The following GAS7 variants were observed in gnomAD, a reference collection of about 807,000 sequenced individuals.
GAS7 encodes the protein growth arrest specific 7.
GAS7 carries 28 observed loss-of-function variants against 71.1 expected under a neutral mutation model. The observed-to-expected ratio is 0.39, with a 90% CI of 0.29 to 0.54. The LOEUF is 0.54. Among genes scored for constraint, GAS7 ranks in the 20% least tolerant of loss-of-function variants. The probability of loss-of-function intolerance (pLI) is 0.62; values close to 1 mark genes in which losing one functional copy is unlikely to be tolerated. For missense variants in GAS7, 436 were observed against 627.8 expected, an observed-to-expected ratio of 0.69 and a Z score of 3.27; for synonymous variants, 258 against 245.8, an observed-to-expected ratio of 1.05 and a Z score of -0.46.
At chr17:10,114,138 G>A (rs1189808775) in intron 1 of GAS7, among the ~76,000 whole-genome samples, 1 of 151,850 alleles carries the variant, frequency 6.6e-6, no homozygotes, top group Non-Finnish European at 1.5e-5. Context: ...ATGTTGCGCA[G>A]GCTGATCTCA....
intron 1 of GAS7, among the ~76,000 whole-genome samples, chr17:10,117,711 T>A (rs12945105): frequency 0.019 from 2,849 of 152,208 alleles, 30 homozygotes; most frequent in Middle Eastern, 0.037. Flanking sequence ...AGACCCTTCC[T>A]GTGAAAACAA....
At chr17:10,038,264 A>T (rs1473019498) in intron 1 of GAS7, among the ~76,000 whole-genome samples, 1 of 152,136 alleles carries the variant, frequency 6.6e-6, no homozygotes, top group African/African-American at 2.4e-5. Context: ...AGGCTGAGGC[A>T]GGAGAATCCA....
At chr17:10,124,710 G>A (rs2142079934) in intron 1 of GAS7, among the ~76,000 whole-genome samples, 1 of 152,258 alleles carries the variant, frequency 6.6e-6, no homozygotes, top group African/African-American at 2.4e-5. Context: ...CCTAAGGTCG[G>A]AGTTGGAGAC....
At chr17:10,031,605 G>A (rs752879018) in intron 1 of GAS7, among the ~76,000 whole-genome samples, 3 of 152,200 alleles carry the variant, frequency 2.0e-5, no homozygotes, top group Non-Finnish European at 4.4e-5. Flanking sequence ...CCCTATTCCT[G>A]CATGACCCTT....
intron 8 of GAS7, among the ~76,000 whole-genome samples, chr17:9,937,183 G>A (rs12449440): frequency 0.018 from 2,753 of 152,302 alleles, 112 homozygotes; most frequent in East Asian, 0.097. Flanking sequence ...GTACACCTAC[G>A]AGGCAGTGGC....
At position 9,942,191 on chromosome 17, in the gene GAS7, T is replaced by TTGC. The variant is rs200659719; in HGVS notation, c.731+927_731+929dup. Among the ~76,000 whole-genome samples the TTGC allele has an allele frequency of 7.8e-3, 1,180 of 151,872 alleles. 18 individuals are homozygous for TTGC. Among genetic ancestry groups the TTGC allele is most frequent in the African/African-American group, 0.027 (1,121 of 41,362 alleles). The stretch of plus-strand genomic sequence containing the variant: ...ATCGCTTGAACCCCGGAGATGGAGG[T>TTGC]TGCAGTGAGCCAAGACTGCGCAACT... On this transcript the variant is annotated intron_variant, in intron 7 of 13. Transcript: ENST00000432992.
intron 2 of GAS7, among the ~76,000 whole-genome samples, chr17:9,989,437 C>T (rs2070760288): frequency 6.6e-6 from 1 of 152,192 alleles, no homozygotes; most frequent in South Asian, 2.1e-4. Flanking sequence ...TAAACTCCTC[C>T]TCCTTCAGCT....
chr17:9,982,903 T>A (rs1421721772), intron 2 of GAS7, among the ~76,000 whole-genome samples: 1 of 151,938 alleles, frequency 6.6e-6, no homozygotes, highest in African/African-American at 2.4e-5. Flanking sequence ...AAACTAATAC[T>A]GCAAGCTATA....
chr17:9,967,746 T>C (rs2069780779), intron 4 of GAS7, among the ~76,000 whole-genome samples: 1 of 152,164 alleles, frequency 6.6e-6, no homozygotes, highest in African/African-American at 2.4e-5. Flanking sequence ...ACCCATCCCC[T>C]GTTGCAGGAC....
intron 1 of GAS7, among the ~76,000 whole-genome samples, chr17:10,125,732 C>T (rs1402981134): frequency 6.6e-6 from 1 of 151,776 alleles, no homozygotes; most frequent in African/African-American, 2.4e-5. Flanking sequence ...AGCCACTGGC[C>T]ACTGGGGGAA....
intron 2 of GAS7, among the ~76,000 whole-genome samples, chr17:10,012,963 C>T (rs113258363): frequency 0.027 from 4,093 of 151,976 alleles, 153 homozygotes; most frequent in African/African-American, 0.091. Context: ...ATTAGCCGGG[C>T]GTGGTGGCGG....
In GAS7 at chr17:10,087,921, C is replaced by G. The variant is rs1211134676; in HGVS notation, c.184-68024G>C. Among the ~76,000 whole-genome samples, 3 of 152,104 alleles carry G rather than the reference C, an allele frequency of 2.0e-5. No homozygotes were observed. In the East Asian group the frequency reaches 5.8e-4, roughly 29 times the overall value. On this transcript the variant is annotated intron_variant, in intron 1 of 13. Coordinates refer to ENST00000432992, the MANE Select transcript of GAS7 (RefSeq NM_201433.2). ...TTTGGTGCCCCCATCCTCGCTCCAG[C>G]CAGGGAAGACCCACTTCACCTCAAA...
chr17:10,153,052 A>AC (rs2074178938), intron 1 of GAS7, among the ~76,000 whole-genome samples: 1 of 151,136 alleles, frequency 6.6e-6, no homozygotes, highest in African/African-American at 2.4e-5. Context: ...AAAAAAAAAA[A>AC]AAAAAAATTA....
chr17:10,007,004 C>A lies in GAS7; in HGVS notation c.304+12773G>T, dbSNP rs920575778. ...ACCTTGGGGCTACGATACATGTTTA[C>A]CTATTTAAAGAAGTTGTGTTTTCTC... On this transcript the variant is annotated intron_variant, in intron 2 of 13. Transcript: ENST00000432992. 5.9e-5 allele frequency among the ~76,000 whole-genome samples: 9 copies of A among 152,204 alleles called. No individual in the cohort carries two copies. In the East Asian group the frequency reaches 1.7e-3, roughly 29 times the overall value.
intron 1 of GAS7, among the ~76,000 whole-genome samples, chr17:10,162,405 G>C (rs1310655951): frequency 1.5e-5 from 2 of 130,374 alleles, no homozygotes; most frequent in African/African-American, 5.9e-5. Flanking sequence ...TTTATTTAAA[G>C]AATTTAATGT....
intron 5 of GAS7, among the ~76,000 whole-genome samples, chr17:9,951,873 G>C (rs1485483332): frequency 6.6e-6 from 1 of 150,972 alleles, no homozygotes; most frequent in African/African-American, 2.4e-5. Context: ...GGCCAGTCTT[G>C]TTCCCCCCAG....
chr17:10,150,258 C>T (rs1175353134), intron 1 of GAS7, among the ~76,000 whole-genome samples: 1 of 152,188 alleles, frequency 6.6e-6, no homozygotes, highest in African/African-American at 2.4e-5. Flanking sequence ...GTGACATTTA[C>T]GTTGATTTCA....
chr17:10,054,356 T>C (rs910607283), intron 1 of GAS7, among the ~76,000 whole-genome samples: 1 of 152,126 alleles, frequency 6.6e-6, no homozygotes, highest in Non-Finnish European at 1.5e-5. Context: ...GGAAACCCAC[T>C]ACTTATCATC....
intron 8 of GAS7, 107 bp from the exon 9 acceptor site, chr17:9,934,351 T>G: frequency 1.3e-6 from 1 of 742,002 alleles, no homozygotes; most frequent in South Asian, 1.5e-5. Flanking sequence ...CAGCTGAGAA[T>G]GTGGACGCGG....
Sources: gnomAD v4.1 joint callset for allele counts (sites outside exome capture counted in the v4.1 genomes callset) on GRCh38, gnomAD v4.1.1 for gene constraint, MANE v1.5 for transcripts, NCBI Gene and HGNC (gene_info 2026-07-23, HGNC 2026-07-21) for gene names.